FAM168A: variants seen among roughly 807,000 people sequenced by gnomAD.
FAM168A encodes protein FAM168A.
A neutral mutation model predicts 28.5 loss-of-function variants in FAM168A; 3 were observed. The observed-to-expected ratio is 0.11, with a 90% CI of 0.05 to 0.27. FAM168A has a LOEUF of 0.27. FAM168A is among the 10% of genes least tolerant of loss of function. The probability of loss-of-function intolerance (pLI) is 1.00; values close to 1 mark genes in which losing one functional copy is unlikely to be tolerated. For missense variants in FAM168A, 222 were observed against 311.5 expected, an observed-to-expected ratio of 0.71 and a Z score of 2.16; for synonymous variants, 122 against 124.2, an observed-to-expected ratio of 0.98 and a Z score of 0.12.
At chr11:73,437,509 T>G (rs1390371555) in intron 2 of FAM168A, among the ~76,000 whole-genome samples, 2 of 143,506 alleles carry the variant, frequency 1.4e-5, no homozygotes, top group African/African-American at 5.0e-5. Context: ...GTTCAAGCAA[T>G]TCTTCTGCCT....
intron 2 of FAM168A, among the ~76,000 whole-genome samples, chr11:73,446,913 C>T (rs1867326008): frequency 1.3e-5 from 2 of 152,178 alleles, no homozygotes; most frequent in South Asian, 4.1e-4. Context: ...GGCAGCTTCC[C>T]ACCACCAAGG....
chr11:73,408,474 G>A lies in FAM168A; in HGVS notation c.596-831C>T, dbSNP rs898764358. 3.3e-5 allele frequency among the ~76,000 whole-genome samples: 5 copies of A among 152,070 alleles called. 1 individual carries two copies. The highest frequency in any genetic ancestry group is 2.1e-4 in the South Asian group (1 of 4,826). On this transcript the variant is annotated intron_variant, in intron 6 of 7. Transcript: ENST00000356467. Reference sequence around the variant, plus strand: ...TCTTACCTCAGATGGTATCCTAGCTGGTTCTTTAAAAGTTGGGTCTCTAGG... The same window carrying A: ...TCTTACCTCAGATGGTATCCTAGCTAGTTCTTTAAAAGTTGGGTCTCTAGG...
At chr11:73,502,248 A>G (rs1407017235) in intron 1 of FAM168A, among the ~76,000 whole-genome samples, 1 of 152,062 alleles carries the variant, frequency 6.6e-6, no homozygotes, top group Non-Finnish European at 1.5e-5. Context: ...AAATAGATAG[A>G]CTGCTAGCTA....
At chr11:73,515,228 G>A (rs1197159898) in intron 1 of FAM168A, among the ~76,000 whole-genome samples, 3 of 152,048 alleles carry the variant, frequency 2.0e-5, no homozygotes, top group Non-Finnish European at 4.4e-5. Flanking sequence ...CCAATGAAAC[G>A]GCCAGGCACA....
chr11:73,427,626 A>G (rs1213413649), intron 3 of FAM168A, among the ~76,000 whole-genome samples: 1 of 152,332 alleles, frequency 6.6e-6, no homozygotes, highest in African/African-American at 2.4e-5. Context: ...AATGGGGATA[A>G]TAAGAGTACC....
intron 1 of FAM168A, among the ~76,000 whole-genome samples, chr11:73,588,331 G>T (rs942605968): frequency 6.6e-6 from 1 of 152,140 alleles, no homozygotes; most frequent in African/African-American, 2.4e-5. Flanking sequence ...AATTAGAAAA[G>T]ATTTGTCTGA....
chr11:73,483,162 A>T (rs1484133704), intron 1 of FAM168A, among the ~76,000 whole-genome samples: 1 of 152,210 alleles, frequency 6.6e-6, no homozygotes, highest in African/African-American at 2.4e-5. Flanking sequence ...TAAATGAAAT[A>T]ATATATGTTC....
intron 1 of FAM168A, among the ~76,000 whole-genome samples, chr11:73,563,891 A>G (rs554804627): frequency 2.0e-5 from 3 of 152,360 alleles, no homozygotes; most frequent in South Asian, 2.1e-4. Context: ...CAAAAAGCCT[A>G]ATTACTGACT....
chr11:73,587,308 T>C (rs377535485), intron 1 of FAM168A, among the ~76,000 whole-genome samples: 14 of 152,066 alleles, frequency 9.2e-5, no homozygotes, highest in Admixed American at 2.6e-4. Context: ...CTGGCTAACA[T>C]GGCAAAAACC....
chr11:73,469,993 C>T (rs188525031), intron 1 of FAM168A, among the ~76,000 whole-genome samples: 14 of 152,186 alleles, frequency 9.2e-5, no homozygotes, highest in South Asian at 2.1e-4. Flanking sequence ...CTCACTGCAA[C>T]CTCTGCCTCC....
chr11:73,531,311 G>A (rs185141736), intron 1 of FAM168A, among the ~76,000 whole-genome samples: 3 of 152,238 alleles, frequency 2.0e-5, no homozygotes, highest in African/African-American at 7.2e-5. Flanking sequence ...TATCACTAAT[G>A]GCAAATCCTA....
At chr11:73,547,839 G>C (rs776324447) in intron 1 of FAM168A, among the ~76,000 whole-genome samples, 22 of 147,482 alleles carry the variant, frequency 1.5e-4, no homozygotes, top group Non-Finnish European at 3.0e-4. Context: ...GTCCATCATT[G>C]AATGAATGGG....
At chr11:73,580,275 G>C in intron 1 of FAM168A, 2 of 560,894 alleles carry the variant, frequency 3.6e-6, no homozygotes, top group South Asian at 2.8e-5. Flanking sequence ...GGCTGAAGGG[G>C]ATGCTAAAGG....
chr11:73,442,246 C>T (rs1867209958), intron 2 of FAM168A, among the ~76,000 whole-genome samples: 1 of 151,918 alleles, frequency 6.6e-6, no homozygotes, highest in African/African-American at 2.4e-5. Context: ...CTGCCTCAGC[C>T]TCCCGAGTAG....
chr11:73,442,924 T>C (rs1227443753), intron 2 of FAM168A, among the ~76,000 whole-genome samples: 1 of 113,214 alleles, frequency 8.8e-6, no homozygotes, highest in Non-Finnish European at 1.8e-5. Context: ...GACAGAAGAG[T>C]CCACAGGAAT....
At chr11:73,581,005 A>G (rs993856456) in intron 1 of FAM168A, among the ~76,000 whole-genome samples, 4 of 152,254 alleles carry the variant, frequency 2.6e-5, no homozygotes, top group African/African-American at 9.6e-5. Flanking sequence ...TCAAAAGAGC[A>G]GTGGTTCCGT....
chr11:73,464,209 G>A (rs545028336), intron 2 of FAM168A, among the ~76,000 whole-genome samples: 10 of 145,098 alleles, frequency 6.9e-5, no homozygotes, highest in South Asian at 2.2e-4. Flanking sequence ...AAACACATAC[G>A]AAGGGAAAAA....
intron 2 of FAM168A, chr11:73,451,894 C>T (rs1867437677): frequency 1.3e-5 from 2 of 152,234 alleles, no homozygotes; most frequent in Admixed American, 6.5e-5. Flanking sequence ...CATGAAACAT[C>T]CGAACTTAGG....
At chr11:73,510,084 T>C (rs1275019931) in intron 1 of FAM168A, among the ~76,000 whole-genome samples, 1 of 152,120 alleles carries the variant, frequency 6.6e-6, no homozygotes. Context: ...TTCTCCCCCA[T>C]GAAAATCATA....
Sources: allele counts gnomAD v4.1 joint callset (sites outside exome capture counted in the v4.1 genomes callset), GRCh38; gene constraint gnomAD v4.1.1; transcripts MANE v1.5; gene names NCBI Gene and HGNC (gene_info 2026-07-23, HGNC 2026-07-21).